Variants in CHRM5 observed in about 807,000 individuals in gnomAD.
The protein encoded by CHRM5 is cholinergic receptor muscarinic 5, also known as muscarinic acetylcholine receptor M5.
CHRM5 carries 18 observed loss-of-function variants against 39.0 expected under a neutral mutation model. That is an observed-to-expected ratio of 0.46 (90% CI 0.32 to 0.68). The LOEUF (loss-of-function observed/expected upper bound fraction) is 0.68, where lower values mean the gene tolerates loss of function less well. Among genes scored for constraint, CHRM5 ranks in the 30% least tolerant of loss-of-function variants. The pLI is 0.04. For synonymous variants in CHRM5, 241 were observed against 246.3 expected (o/e 0.98, Z 0.20); for missense variants, 515 against 651.1 (o/e 0.79, Z 2.28).
At position 34,064,540 on chromosome 15, in the gene CHRM5, C is replaced by A; in HGVS notation, c.*224C>A. 1.7e-6 allele frequency: 1 copy of A among 585,506 alleles called. No homozygotes were observed. The highest frequency in any genetic ancestry group is 3.3e-5 in the Admixed American group (1 of 30,010). The allele number at this position is 585,506 out of a possible 1,614,324, so 36.3% of individuals were successfully genotyped here. A position where few individuals can be genotyped will look rare whatever the true frequency, so the allele number is the denominator to read the frequency against. On this transcript the variant is annotated 3_prime_UTR_variant, in exon 3 of 3. Transcript: ENST00000383263. Reference sequence around the variant, plus strand: ...TGCCTATGACCAAGGCCATTTGATGCCAGGGGAGTTTGCCAATGAAGTAAA... The same window carrying A: ...TGCCTATGACCAAGGCCATTTGATGACAGGGGAGTTTGCCAATGAAGTAAA...
intron 1 of CHRM5, among the ~76,000 whole-genome samples, chr15:33,985,845 G>C (rs1381830979): frequency 6.6e-6 from 1 of 152,066 alleles, no homozygotes; most frequent in East Asian, 1.9e-4. Context: ...TTCAAAAATA[G>C]AAGTTCAAGA....
In CHRM5 at chr15:34,063,806, G is replaced by A. The variant is rs781226534; in HGVS notation, c.1089G>A (p.Leu363=). 3 of 1,614,070 alleles carry A rather than the reference G, an allele frequency of 1.9e-6. No homozygotes were observed. The African/African-American group carries it at 4.0e-5, about 22-fold the overall frequency. The change falls in exon 3 of 3, where the codon CTG becomes CTA. Residue 363 remains leucine (L), a synonymous_variant. Coordinates refer to ENST00000383263, the MANE Select transcript of CHRM5 (RefSeq NM_012125.4). This position sits in a 1 kb window ranked among gnomAD's most constrained non-coding sequence, Gnocchi z 4.1. ...ACTATGACACCCCAAACTACCTTCT[G>A]TCTCCAGCAGCTGCTCATAGACCCA... ...KSDYDTPNYL[L]SPAAAHRPKS...
intron 1 of CHRM5, among the ~76,000 whole-genome samples, chr15:33,999,180 G>A (rs1461581271): frequency 6.6e-6 from 1 of 152,234 alleles, no homozygotes; most frequent in Non-Finnish European, 1.5e-5. Context: ...GAGGGAGGAA[G>A]AGAATGTTTA....
chr15:34,043,802 G>A (rs1899578141), intron 1 of CHRM5, among the ~76,000 whole-genome samples: 1 of 152,098 alleles, frequency 6.6e-6, no homozygotes. Context: ...TCTATTTCAT[G>A]AAGAAATGAA....
chr15:34,004,073 TCAGGTAGCG>T (rs758863694), intron 1 of CHRM5, among the ~76,000 whole-genome samples: 64 of 152,330 alleles, frequency 4.2e-4, no homozygotes, highest in Admixed American at 2.0e-3. Flanking sequence ...GTGTGATTGT[TCAGGTAGCG>T]TCTGTGTGAG....
At chr15:33,969,963 C>T (rs1172878001) in intron 1 of CHRM5, among the ~76,000 whole-genome samples, 3 of 151,942 alleles carry the variant, frequency 2.0e-5, no homozygotes, top group Non-Finnish European at 4.4e-5. Context: ...GTAAAAACAA[C>T]AAAACGTTAT....
chr15:33,978,144 C>T (rs1360389910), intron 1 of CHRM5, among the ~76,000 whole-genome samples: 1 of 152,080 alleles, frequency 6.6e-6, no homozygotes, highest in Non-Finnish European at 1.5e-5. Flanking sequence ...AAAACCTTAG[C>T]GATCCAAGTA....
intron 2 of CHRM5, among the ~76,000 whole-genome samples, chr15:34,052,433 GCACAAGA>G (rs1196993100): frequency 6.6e-6 from 1 of 152,102 alleles, no homozygotes; most frequent in Non-Finnish European, 1.5e-5. Context: ...ATGAAAACCA[GCACAAGA>G]CAAGGGTACT....
rs116381660 is a variant in CHRM5, at chr15:34,035,986, G to T, written c.-407-10554G>T. 7.3e-3 allele frequency among the ~76,000 whole-genome samples: 1,110 copies of T among 152,088 alleles called. 18 individuals are homozygous for T. Among genetic ancestry groups the T allele is most frequent in the African/African-American group, 0.026 (1,075 of 41,446 alleles). ...GTTTTGTATTTTTTTTATAGAGAGG[G>T]GGTCTCGTTATGTTGCCCAGTCTGG... On this transcript the variant is annotated intron_variant, in intron 1 of 2. Coordinates refer to ENST00000383263, the MANE Select transcript of CHRM5 (RefSeq NM_012125.4).
chr15:33,984,651 C>T (rs1217154461), intron 1 of CHRM5, among the ~76,000 whole-genome samples: 1 of 152,168 alleles, frequency 6.6e-6, no homozygotes, highest in Non-Finnish European at 1.5e-5. Flanking sequence ...ATCCACCCGT[C>T]TTGGCCTCCC....
intron 1 of CHRM5, among the ~76,000 whole-genome samples, chr15:34,000,892 A>G (rs1464508179): frequency 3.3e-5 from 5 of 152,222 alleles, no homozygotes; most frequent in Non-Finnish European, 5.9e-5. Context: ...GAAATCAGTA[A>G]GCAAAGAGAC....
intron 1 of CHRM5, among the ~76,000 whole-genome samples, chr15:34,015,940 A>G (rs1244887464): frequency 6.6e-6 from 1 of 152,216 alleles, no homozygotes; most frequent in Non-Finnish European, 1.5e-5. Context: ...TTTCCTTCAA[A>G]TAATACACCC....
At chr15:33,996,375 C>A (rs1445894180) in intron 1 of CHRM5, among the ~76,000 whole-genome samples, 2 of 149,944 alleles carry the variant, frequency 1.3e-5, no homozygotes, top group Non-Finnish European at 3.0e-5. Flanking sequence ...CAGACTGCCT[C>A]CTCAAGTGGG....
intron 1 of CHRM5, among the ~76,000 whole-genome samples, chr15:34,011,900 G>A (rs1897654705): frequency 6.6e-6 from 1 of 152,110 alleles, no homozygotes; most frequent in African/African-American, 2.4e-5. Flanking sequence ...GGATAATTTG[G>A]GAAATTAGAC....
At position 34,062,892 on chromosome 15, in the gene CHRM5, A is replaced by C. The variant is rs2140847025; in HGVS notation, c.175A>C (p.Ser59Arg). 6.2e-7 allele frequency: 1 copy of C among 1,614,206 alleles called. No individual in the cohort carries two copies. Among genetic ancestry groups the C allele is most frequent in the East Asian group, 2.2e-5 (1 of 44,880 alleles). The change falls in exon 3 of 3, where the codon AGC becomes CGC. Residue 59 changes from serine (S) to arginine (R), a missense_variant. Physicochemically the swap from Ser to Arg is moderately radical, Grantham distance 110. Transcript: ENST00000383263. Reference sequence around the variant, plus strand: ...GGTCATGATCTCCTTCAAAGTCAACAGCCAGCTCAAGACAGTTAACAACTA... The same window carrying C: ...GGTCATGATCTCCTTCAAAGTCAACCGCCAGCTCAAGACAGTTAACAACTA... ...VLVMISFKVN[S>R]QLKTVNNYYL...
intron 1 of CHRM5, among the ~76,000 whole-genome samples, chr15:34,030,014 G>A (rs1469025670): frequency 1.3e-5 from 2 of 152,022 alleles, no homozygotes; most frequent in African/African-American, 4.8e-5. Context: ...AGCACTTTGG[G>A]AGGCCGAGGC....
At chr15:34,054,921 G>A (rs1483648885) in intron 2 of CHRM5, among the ~76,000 whole-genome samples, 5 of 152,168 alleles carry the variant, frequency 3.3e-5, no homozygotes, top group African/African-American at 1.2e-4. Context: ...AGCTGGGTGC[G>A]GTGGCTCACA....
At chr15:33,986,329 T>A (rs1358371526) in intron 1 of CHRM5, among the ~76,000 whole-genome samples, 2 of 152,010 alleles carry the variant, frequency 1.3e-5, no homozygotes, top group African/African-American at 4.8e-5. Context: ...CAGGATGGTC[T>A]CGATCTCCTG....
At chr15:34,038,629 G>GCCACCAGGCGCGCCCC (rs1368472287) in intron 1 of CHRM5, 92 of 526 alleles carry the variant, frequency 0.17, 39 homozygotes, top group South Asian at 0.4. Context: ...GCGCGCCCCC[G>GCCACCAGGCGCGCCCC]CGCCACCATC....
Sources: gnomAD v4.1 joint callset for allele counts (sites outside exome capture counted in the v4.1 genomes callset) on GRCh38, gnomAD v4.1.1 for gene constraint, Gnocchi (gnomAD v3.1) non-coding constraint, MANE v1.5 for transcripts, NCBI Gene and HGNC (gene_info 2026-07-23, HGNC 2026-07-21) for gene names.